Variants in SGIP1 observed in about 807,000 individuals in gnomAD.
The protein encoded by SGIP1 is SH3-containing GRB2-like protein 3-interacting protein 1.
A neutral mutation model predicts 107.5 loss-of-function variants in SGIP1; 38 were observed. The ratio of observed to expected loss-of-function variants is 0.35; its 90% CI spans 0.27 to 0.46. The LOEUF is 0.46. Among genes scored for constraint, SGIP1 ranks in the 20% least tolerant of loss-of-function variants. The probability of loss-of-function intolerance (pLI) is 1.00; values close to 1 mark genes in which losing one functional copy is unlikely to be tolerated. For synonymous variants in SGIP1, 365 were observed against 366.1 expected, an observed-to-expected ratio of 1.00 and a Z score of 0.03; for missense variants, 929 against 1,019.5, an observed-to-expected ratio of 0.91 and a Z score of 1.21.
At chr1:66,682,696 CAG>C (rs1374018673) in intron 15 of SGIP1, among the ~76,000 whole-genome samples, 1 of 151,830 alleles carries the variant, frequency 6.6e-6, no homozygotes, top group Non-Finnish European at 1.5e-5. Flanking sequence ...ACAGATTTCA[CAG>C]AGAGTGGGTT....
At chr1:66,725,064 G>A (rs1033458901) in intron 19 of SGIP1, among the ~76,000 whole-genome samples, 3 of 152,150 alleles carry the variant, frequency 2.0e-5, no homozygotes, top group African/African-American at 7.2e-5. Context: ...GATCTAAAAG[G>A]TAGAGAAGGA....
chr1:66,707,859 C>A (rs1197631206), intron 18 of SGIP1, among the ~76,000 whole-genome samples: 2 of 152,134 alleles, frequency 1.3e-5, no homozygotes, highest in Non-Finnish European at 2.9e-5. Flanking sequence ...TCCCTAATTG[C>A]TCCCCAAGTC....
chr1:66,558,137 G>A (rs1435809818), intron 1 of SGIP1, among the ~76,000 whole-genome samples: 1 of 152,016 alleles, frequency 6.6e-6, no homozygotes, highest in African/African-American at 2.4e-5. Flanking sequence ...TTATAGACCT[G>A]TTCCAATGAC....
chr1:66,636,065 G>A, intron 4 of SGIP1, 50 bp downstream of exon 4: 1 of 1,544,178 alleles, frequency 6.5e-7, no homozygotes, highest in Non-Finnish European at 8.9e-7. Flanking sequence ...ATAAAAAACA[G>A]TGAGTAAAAT....
chr1:66,533,874 G>C (rs1313084422), upstream of SGIP1, among the ~76,000 whole-genome samples: 7 of 152,040 alleles, frequency 4.6e-5, no homozygotes, highest in Non-Finnish European at 1.0e-4. Context: ...CTAATCTCGG[G>C]CACCCAGCCG....
intron 1 of SGIP1, among the ~76,000 whole-genome samples, chr1:66,614,836 T>TA (rs2068843424): frequency 1.7e-5 from 2 of 119,386 alleles, no homozygotes; most frequent in African/African-American, 5.9e-5. Flanking sequence ...TTTTTTTTTT[T>TA]GAGATGGAGT....
chr1:66,643,237 C>T (rs2077096647), intron 6 of SGIP1, among the ~76,000 whole-genome samples: 2 of 152,172 alleles, frequency 1.3e-5, no homozygotes, highest in South Asian at 4.1e-4. Flanking sequence ...AAGCAGCCTT[C>T]CTCTCTCTGT....
chr1:66,683,761 T>A (rs2087467993), intron 15 of SGIP1, among the ~76,000 whole-genome samples: 2 of 130,538 alleles, frequency 1.5e-5, no homozygotes, highest in African/African-American at 5.9e-5. Context: ...CAGGCTGGAG[T>A]GCAGTACATC....
chr1:66,643,696 A>G lies in SGIP1; in HGVS notation c.436A>G (p.Ile146Val). 2 of 1,610,088 alleles carry G rather than the reference A, an allele frequency of 1.2e-6. No homozygotes were observed. The highest frequency in any genetic ancestry group is 1.7e-6 in the Non-Finnish European group (2 of 1,178,756). ...VDELKASIGNIALSPSPVRKS... is the reference protein window; with the variant it reads ...VDELKASIGNVALSPSPVRKS... ...TGAATTGAAGGCATCAATAGGCAAC[A>G]TCGCACTTTCCCCATCACCAGTGGT... is the stretch of plus-strand genomic sequence containing the variant. Residue 146 changes from isoleucine to valine, a missense_variant, in exon 7 of 25, where the codon ATC becomes GTC. Around this residue, in one of 2 missense-constraint regions of SGIP1, gnomAD observed 588 missense variants for 588.6 expected, o/e 1.00. Coordinates refer to ENST00000371037, the MANE Select transcript of SGIP1 (RefSeq NM_032291.4).
At chr1:66,633,034 C>T (rs1175295306) in intron 2 of SGIP1, 36 bp from the exon 3 acceptor site, 8 of 1,382,276 alleles carry the variant, frequency 5.8e-6, no homozygotes, top group East Asian at 4.6e-5. Flanking sequence ...AGAATGATTC[C>T]TTATCATAAT....
intron 1 of SGIP1, among the ~76,000 whole-genome samples, chr1:66,622,173 G>C (rs1487886316): frequency 6.6e-6 from 1 of 152,208 alleles, no homozygotes; most frequent in East Asian, 1.9e-4. Flanking sequence ...ACCCCAACAT[G>C]CTGGGGAGTA....
rs201844704 is a variant in SGIP1 at position 66,743,069 on chromosome 1, G to C, written c.2465-4G>C. ...ACCTGTTGACATGCTGTTTTGTTTT[G>C]CAGGAAAATACTTGGCAGATAACTA... On this transcript the variant is annotated splice_polypyrimidine_tract_variant and splice_region_variant and intron_variant, in intron 24 of 24. Transcript: ENST00000371037. 4 of 1,613,498 alleles carry C rather than the reference G, an allele frequency of 2.5e-6. No individual in the cohort carries two copies. The highest frequency in any genetic ancestry group is 1.7e-4 in the Middle Eastern group (1 of 6,054).
chr1:66,565,430 A>C (rs1258269840), intron 1 of SGIP1, among the ~76,000 whole-genome samples: 1 of 151,940 alleles, frequency 6.6e-6, no homozygotes, highest in Non-Finnish European at 1.5e-5. Flanking sequence ...ATTCAAACTT[A>C]ATTATGTTAG....
At chr1:66,546,981 G>A (rs2056520038) in intron 1 of SGIP1, among the ~76,000 whole-genome samples, 2 of 152,074 alleles carry the variant, frequency 1.3e-5, no homozygotes, top group Non-Finnish European at 2.9e-5. Flanking sequence ...TTCTTACTGG[G>A]TTGAATATTG....
chr1:66,679,870 A>C, intron 14 of SGIP1, 118 bp downstream of exon 14: 1 of 941,618 alleles, frequency 1.1e-6, no homozygotes, highest in Non-Finnish European at 1.5e-6. Flanking sequence ...CAATGTTGGC[A>C]TTCAGTTTTG....
chr1:66,599,011 G>A (rs911251000), intron 1 of SGIP1, among the ~76,000 whole-genome samples: 2 of 151,632 alleles, frequency 1.3e-5, no homozygotes, highest in African/African-American at 4.8e-5. Context: ...AATGAAGAAG[G>A]CAGTGTTCTA....
chr1:66,578,201 G>A (rs912959125), intron 1 of SGIP1, among the ~76,000 whole-genome samples: 2 of 152,110 alleles, frequency 1.3e-5, no homozygotes, highest in Admixed American at 6.5e-5. Context: ...AGTCACATGG[G>A]AGCTCCTATT....
At chr1:66,562,282 A>G (rs1444122607) in intron 1 of SGIP1, among the ~76,000 whole-genome samples, 1 of 151,884 alleles carries the variant, frequency 6.6e-6, no homozygotes, top group African/African-American at 2.4e-5. Flanking sequence ...TTTTCATTTC[A>G]TTTTTCCAAA....
intron 1 of SGIP1, among the ~76,000 whole-genome samples, chr1:66,600,767 CCAGAAAA>C (rs2065646925): frequency 6.6e-6 from 1 of 152,098 alleles, no homozygotes; most frequent in Non-Finnish European, 1.5e-5. Flanking sequence ...GTGGGTTTTA[CCAGAAAA>C]TGTGCTGATT....
Sources: allele counts gnomAD v4.1 joint callset (sites outside exome capture counted in the v4.1 genomes callset), GRCh38; gene constraint gnomAD v4.1.1; regional missense constraint gnomAD v4.1.1; transcripts MANE v1.5; gene names NCBI Gene and HGNC (gene_info 2026-07-23, HGNC 2026-07-21).